Variants in CTIF observed in about 807,000 individuals in gnomAD.
The protein encoded by CTIF is CBP80/20-dependent translation initiation factor.
A neutral mutation model predicts 66.0 loss-of-function variants in CTIF; 21 were observed. The ratio of observed to expected loss-of-function variants is 0.32; its 90% confidence interval spans 0.23 to 0.46. The LOEUF is 0.46. Among genes scored for constraint, CTIF ranks in the 20% least tolerant of loss-of-function variants. The pLI, the probability that CTIF is intolerant of heterozygous loss-of-function variation, is 1.00. For missense variants in CTIF, 739 were observed against 812.7 expected (o/e 0.91, Z 1.10); for synonymous variants, 345 against 326.4 (o/e 1.06, Z -0.62).
At chr18:48,601,097 C>T (rs1481451006) in intron 1 of CTIF, among the ~76,000 whole-genome samples, 1 of 152,178 alleles carries the variant, frequency 6.6e-6, no homozygotes, top group African/African-American at 2.4e-5. Context: ...TATCTCAGCT[C>T]AGCTGAACTG....
At chr18:48,693,070 T>C (rs555645423) in intron 6 of CTIF, among the ~76,000 whole-genome samples, 1 of 152,336 alleles carries the variant, frequency 6.6e-6, no homozygotes, top group Admixed American at 6.5e-5. Context: ...TACGTGCTTT[T>C]CTGATGATGA....
chr18:48,641,570 C>T (rs761732837), intron 3 of CTIF, among the ~76,000 whole-genome samples: 25 of 152,330 alleles, frequency 1.6e-4, no homozygotes, highest in Non-Finnish European at 2.9e-4. Context: ...TCTCTTGTTT[C>T]ATCCTGACGC....
At chr18:48,691,300 G>A (rs2091922101) in intron 6 of CTIF, among the ~76,000 whole-genome samples, 1 of 152,174 alleles carries the variant, frequency 6.6e-6, no homozygotes, top group Non-Finnish European at 1.5e-5. Flanking sequence ...GGGTGTTCGT[G>A]GCCCTCTGGT....
chr18:48,615,427 C>G (rs1335709556), intron 1 of CTIF, among the ~76,000 whole-genome samples: 1 of 152,210 alleles, frequency 6.6e-6, no homozygotes. Context: ...TCTCTGGGCC[C>G]CGCTGCGGAA....
chr18:48,855,537 C>T (rs1385303637), intron 10 of CTIF, among the ~76,000 whole-genome samples: 1 of 152,176 alleles, frequency 6.6e-6, no homozygotes, highest in Non-Finnish European at 1.5e-5. Flanking sequence ...AGGTGATGCT[C>T]TCGAGTTTGC....
At chr18:48,623,627 C>T (rs1449115967) in intron 2 of CTIF, among the ~76,000 whole-genome samples, 1 of 148,930 alleles carries the variant, frequency 6.7e-6, no homozygotes, top group African/African-American at 2.5e-5. Context: ...TTCCTGTCTG[C>T]CTGTGTGGTA....
intron 3 of CTIF, 87 bp from the exon 4 acceptor site, chr18:48,663,665 C>G (rs143431042): frequency 1.0e-5 from 13 of 1,239,360 alleles, no homozygotes; most frequent in Middle Eastern, 1.9e-4. Context: ...CTCACTCCAG[C>G]CCCCCAGCCC....
chr18:48,785,641 T>C (rs1478060882), intron 9 of CTIF, among the ~76,000 whole-genome samples: 1 of 152,206 alleles, frequency 6.6e-6, no homozygotes, highest in Non-Finnish European at 1.5e-5. Flanking sequence ...CTGGGGATTC[T>C]TAACAGACTC....
chr18:48,619,514 G>C, intron 1 of CTIF, 24 bp from the exon 2 acceptor site: 1 of 1,376,246 alleles, frequency 7.3e-7, no homozygotes, highest in South Asian at 1.8e-5. Context: ...GTCTCACGGA[G>C]TTCTCTGTCC....
chr18:48,834,009 C>G (rs2068751802), intron 10 of CTIF, among the ~76,000 whole-genome samples: 1 of 152,090 alleles, frequency 6.6e-6, no homozygotes, highest in Non-Finnish European at 1.5e-5. Flanking sequence ...TTGCACAAAC[C>G]CCTTCTCTCC....
In CTIF at chr18:48,817,203, T is replaced by C. The variant is rs376290814; in HGVS notation, c.1372-18T>C. On this transcript the variant is annotated intron_variant, in intron 9 of 11. Transcript: ENST00000256413. ...CCCCAGCCCCGGGAGGCTGACGCGG[T>C]CTCTCATGCCTCCACAGAAGGACTT... 15 of 1,610,050 alleles carry C rather than the reference T, an allele frequency of 9.3e-6. No individual in the cohort carries two copies. The African/African-American group carries it at 1.9e-4, about 20-fold the overall frequency.
chr18:48,736,043 AG>A (rs1396759483), intron 7 of CTIF, among the ~76,000 whole-genome samples: 1 of 152,164 alleles, frequency 6.6e-6, no homozygotes, highest in Non-Finnish European at 1.5e-5. Context: ...GCTTCTCCAT[AG>A]AAGCGACTGT....
intron 1 of CTIF, among the ~76,000 whole-genome samples, chr18:48,561,034 T>C (rs1034453365): frequency 3.3e-5 from 5 of 151,912 alleles, no homozygotes; most frequent in Non-Finnish European, 7.4e-5. Flanking sequence ...AGGTCAGGAG[T>C]TCGAGACCAG....
intron 9 of CTIF, among the ~76,000 whole-genome samples, chr18:48,781,020 G>A (rs1911156856): frequency 6.6e-6 from 1 of 152,224 alleles, no homozygotes; most frequent in Non-Finnish European, 1.5e-5. Context: ...AGTCACAGAA[G>A]GCGAAGACCC....
At chr18:48,781,656 G>T (rs1300012546) in intron 9 of CTIF, among the ~76,000 whole-genome samples, 1 of 152,032 alleles carries the variant, frequency 6.6e-6, no homozygotes, top group East Asian at 1.9e-4. Context: ...AAGACACGTG[G>T]CCCTCCCCTC....
At chr18:48,582,213 G>T (rs1466620277) in intron 1 of CTIF, among the ~76,000 whole-genome samples, 1 of 152,092 alleles carries the variant, frequency 6.6e-6, no homozygotes, top group Non-Finnish European at 1.5e-5. Context: ...TCAGAGGAAG[G>T]GTCCTGGGCC....
At position 48,614,232 on chromosome 18, in the gene CTIF, G is replaced by C. The variant is rs111241243; in HGVS notation, c.-28-5306G>C. ...GCTGAAACCCCCAAAGCTCAGGCAG[G>C]AAGGCAGCAAAACAAGCCTGGAGGA... On this transcript the variant is annotated intron_variant, in intron 1 of 11. Coordinates refer to ENST00000256413, the MANE Select transcript of CTIF (RefSeq NM_014772.3). Among the ~76,000 whole-genome samples, 913 of 152,238 alleles carry C rather than the reference G, an allele frequency of 6.0e-3. 16 individuals carry two copies. The highest frequency in any genetic ancestry group is 0.021 in the African/African-American group (864 of 41,530).
chr18:48,641,065 C>T (rs976134749), intron 3 of CTIF, among the ~76,000 whole-genome samples: 22 of 152,200 alleles, frequency 1.4e-4, no homozygotes, highest in African/African-American at 5.3e-4. Context: ...CCAAAAGACT[C>T]ACCCATCACC....
chr18:48,695,461 A>G (rs1316377803), intron 6 of CTIF, among the ~76,000 whole-genome samples: 1 of 152,172 alleles, frequency 6.6e-6, no homozygotes, highest in Non-Finnish European at 1.5e-5. Flanking sequence ...TGATGCTCTT[A>G]TGAGCATTCC....
Sources: allele counts gnomAD v4.1 joint callset (sites outside exome capture counted in the v4.1 genomes callset), GRCh38; gene constraint gnomAD v4.1.1; transcripts MANE v1.5; gene names NCBI Gene and HGNC (gene_info 2026-07-23, HGNC 2026-07-21).